EML5: variants seen among roughly 807,000 people sequenced by gnomAD.
The protein encoded by EML5 is EMAP like 5, also known as echinoderm microtubule-associated protein-like 5.
EML5 carries 120 observed loss-of-function variants against 250.0 expected under a neutral mutation model. The ratio of observed to expected loss-of-function variants is 0.48; its 90% CI spans 0.41 to 0.56. The LOEUF (loss-of-function observed/expected upper bound fraction) is 0.56. Ranked by LOEUF, EML5 falls within the 20% of genes least tolerant of loss-of-function variation. The pLI is 0.00. For missense variants in EML5, 2,006 were observed against 2,437.6 expected (o/e 0.82, Z 3.73); for synonymous variants, 771 against 806.5 (o/e 0.96, Z 0.75).
At chr14:88,652,255 T>C (rs1415789685) in intron 27 of EML5, among the ~76,000 whole-genome samples, 1 of 152,118 alleles carries the variant, frequency 6.6e-6, no homozygotes, top group African/African-American at 2.4e-5. Context: ...CCCATTGCTA[T>C]GATCTGAGGT....
intron 17 of EML5, among the ~76,000 whole-genome samples, chr14:88,692,439 A>G (rs1352911062): frequency 1.3e-5 from 2 of 152,186 alleles, no homozygotes; most frequent in Non-Finnish European, 2.9e-5. Flanking sequence ...CCTTGTCATT[A>G]TTCCCTAAAC....
intron 19 of EML5, among the ~76,000 whole-genome samples, chr14:88,686,714 G>A (rs561529534): frequency 3.0e-4 from 45 of 152,116 alleles, no homozygotes; most frequent in Non-Finnish European, 5.0e-4. Context: ...AGGAGGCTGA[G>A]GCAGGAGGAC....
chr14:88,646,361 T>C (rs998086796), intron 29 of EML5, among the ~76,000 whole-genome samples: 4 of 152,190 alleles, frequency 2.6e-5, no homozygotes, highest in Non-Finnish European at 4.4e-5. Flanking sequence ...CAAGAATATA[T>C]AAACAATGTT....
intron 17 of EML5, among the ~76,000 whole-genome samples, chr14:88,690,247 A>T (rs1184573759): frequency 6.6e-6 from 1 of 152,212 alleles, no homozygotes; most frequent in African/African-American, 2.4e-5. Flanking sequence ...TTTGCTTTAC[A>T]TGAGATGCAA....
intron 21 of EML5, among the ~76,000 whole-genome samples, chr14:88,678,783 T>C (rs1296627002): frequency 6.6e-6 from 1 of 152,158 alleles, no homozygotes; most frequent in Non-Finnish European, 1.5e-5. Flanking sequence ...GAATAATTCT[T>C]ATTCTAGCTT....
At position 88,792,845 on chromosome 14, in the gene EML5, C is replaced by G. The variant is rs1393319148; in HGVS notation, c.-342G>C. ...CGCCTCCAGCTCCTCAGCCGCCGCC[C>G]GCGCACGCAGCTCCCAGCCCCGGTC... On this transcript the variant is annotated 5_prime_UTR_variant, in exon 1 of 44. Transcript: ENST00000554922. This position sits in a 1 kb window ranked among gnomAD's most constrained non-coding sequence, Gnocchi z 6.9. The G allele has an allele frequency of 1.5e-6, 1 of 657,246 alleles. No individual in the cohort carries two copies. The highest frequency in any genetic ancestry group is 1.9e-6 in the Non-Finnish European group (1 of 528,748). 40.7% of individuals were successfully genotyped at this position (657,246 alleles called of 1,614,324 possible).
intron 25 of EML5, among the ~76,000 whole-genome samples, chr14:88,660,264 CAG>C (rs1199412608): frequency 7.1e-6 from 1 of 140,334 alleles, no homozygotes; most frequent in Non-Finnish European, 1.5e-5. Context: ...GCCTGGGTCA[CAG>C]AGAGAGACGC....
At chr14:88,656,167 T>C (rs1298299995) in intron 27 of EML5, among the ~76,000 whole-genome samples, 1 of 152,162 alleles carries the variant, frequency 6.6e-6, no homozygotes, top group African/African-American at 2.4e-5. Flanking sequence ...CACATGCACA[T>C]GTATATTTAT....
intron 14 of EML5, among the ~76,000 whole-genome samples, chr14:88,699,453 C>A (rs1448628225): frequency 1.3e-5 from 2 of 151,878 alleles, no homozygotes; most frequent in African/African-American, 4.8e-5. Context: ...TCTCCAACCT[C>A]CCCTTTTTAT....
At chr14:88,650,738 A>G (rs2091580510) in intron 27 of EML5, among the ~76,000 whole-genome samples, 1 of 152,160 alleles carries the variant, frequency 6.6e-6, no homozygotes, top group South Asian at 2.1e-4. Flanking sequence ...TCCTGGGCTG[A>G]AGCAATCCTC....
intron 41 of EML5, 86 bp from the exon 42 acceptor site, chr14:88,616,965 T>G: frequency 1.0e-4 from 129 of 1,257,300 alleles, no homozygotes; most frequent in Non-Finnish European, 1.3e-4. Flanking sequence ...AATTAATCTC[T>G]AAGTACCCTA....
intron 1 of EML5, among the ~76,000 whole-genome samples, chr14:88,783,679 A>G (rs1383547828): frequency 6.6e-6 from 1 of 152,216 alleles, no homozygotes; most frequent in Non-Finnish European, 1.5e-5. Flanking sequence ...GTATTATTAG[A>G]GCTAGAGAGA....
intron 28 of EML5, among the ~76,000 whole-genome samples, chr14:88,647,392 A>T (rs1236031716): frequency 6.6e-6 from 1 of 151,910 alleles, no homozygotes; most frequent in East Asian, 1.9e-4. Context: ...AAAGAAAGAA[A>T]AAAGAATAAA....
intron 28 of EML5, among the ~76,000 whole-genome samples, chr14:88,647,687 C>CAAAAAAAAAAAAAAAAAAAAAAAAAAA (rs34191990): frequency 4.1e-5 from 2 of 48,744 alleles, no homozygotes; most frequent in Admixed American, 3.1e-4. Context: ...GAGACCGTCT[C>CAAAAAAAAAAAAAAAAAAAAAAAAAAA]AAAAAAAAAA....
In EML5 at chr14:88,661,693, G is replaced by A. The variant is rs369195779; in HGVS notation, c.3636C>T (p.Asp1212=). ...TSDKMVLATG[D]DLGFVKLFRY... is the part of the protein sequence containing the mutation. Reference sequence around the variant, plus strand: ...TAAATAACTTCACAAATCCCAAATCGTCCCCGGTAGCTAGAACCATTTTGT... The same window carrying A: ...TAAATAACTTCACAAATCCCAAATCATCCCCGGTAGCTAGAACCATTTTGT... The change falls in exon 25 of 44, where the codon GAC becomes GAT. Residue 1212 remains aspartate, a synonymous_variant. Coordinates refer to ENST00000554922, the MANE Select transcript of EML5 (RefSeq NM_183387.3). 804 of 1,613,026 alleles carry A rather than the reference G, an allele frequency of 5.0e-4. No homozygotes were observed. Among genetic ancestry groups the A allele is most frequent in the Non-Finnish European group, 6.4e-4 (753 of 1,179,616 alleles).
Position 88,688,480 on chromosome 14 carries a change from C to A in EML5, c.2540-7G>T, listed in dbSNP as rs765577440. ...CTTCCAATCAATCCTCCCCCTAGTT[C>A]ACAAAAAATATTATGAAAGTACCAC... On this transcript the variant is annotated splice_region_variant and splice_polypyrimidine_tract_variant and intron_variant, in intron 17 of 43. Coordinates refer to ENST00000554922, the MANE Select transcript of EML5 (RefSeq NM_183387.3). 32 of 1,612,104 alleles carry A rather than the reference C, an allele frequency of 2.0e-5. No individual in the cohort carries two copies. The highest frequency in any genetic ancestry group is 2.5e-5 in the Non-Finnish European group (29 of 1,179,476).
chr14:88,767,747 G>A (rs185888960), intron 1 of EML5, among the ~76,000 whole-genome samples: 84 of 152,134 alleles, frequency 5.5e-4, no homozygotes, highest in South Asian at 1.0e-3. Flanking sequence ...AAAATGTTAC[G>A]AAATAGTACA....
At chr14:88,706,689 T>C (rs982805670) in intron 10 of EML5, among the ~76,000 whole-genome samples, 1 of 152,208 alleles carries the variant, frequency 6.6e-6, no homozygotes, top group African/African-American at 2.4e-5. Context: ...ACTGTTTTTA[T>C]ATTAAAACAT....
chr14:88,726,818 T>A, intron 7 of EML5, 140 bp from the exon 8 acceptor site: 1 of 666,998 alleles, frequency 1.5e-6, no homozygotes, highest in Non-Finnish European at 2.4e-6. Flanking sequence ...AATTCTTATC[T>A]ATGAAAATGG....
Sources: allele counts gnomAD v4.1 joint callset (sites outside exome capture counted in the v4.1 genomes callset), GRCh38; gene constraint gnomAD v4.1.1; non-coding constraint Gnocchi (gnomAD v3.1); transcripts MANE v1.5; gene names NCBI Gene and HGNC (gene_info 2026-07-23, HGNC 2026-07-21).